The following R3HDM1 variants were observed in gnomAD, a reference collection of about 807,000 sequenced individuals.
R3HDM1 encodes R3H domain-containing protein 1.
Under a neutral mutation model 141.1 loss-of-function variants are expected in R3HDM1, and 46 were observed. That is an observed-to-expected ratio of 0.33 (90% CI 0.26 to 0.42). The LOEUF (loss-of-function observed/expected upper bound fraction) is 0.42. R3HDM1 is among the 10% of genes least tolerant of loss of function. The pLI is 1.00. For missense variants in R3HDM1, 1,184 were observed against 1,368.3 expected (o/e 0.87, Z 2.12); for synonymous variants, 435 against 472.9 (o/e 0.92, Z 1.04).
At chr2:135,645,147 T>A (rs1368233778) in intron 15 of R3HDM1, 1 of 334,662 alleles carries the variant, frequency 3.0e-6, no homozygotes, top group East Asian at 5.2e-5. Flanking sequence ...TACCCCATAA[T>A]AAGAAATGCA....
At chr2:135,707,128 G>A (rs1195399084) in intron 21 of R3HDM1, among the ~76,000 whole-genome samples, 1 of 152,240 alleles carries the variant, frequency 6.6e-6, no homozygotes, top group Non-Finnish European at 1.5e-5. Flanking sequence ...TGAGATTGAT[G>A]TTTCATTTTT....
intron 1 of R3HDM1, among the ~76,000 whole-genome samples, chr2:135,557,533 T>TC (rs1316346933): frequency 6.6e-6 from 1 of 152,210 alleles, no homozygotes; most frequent in Admixed American, 6.5e-5. Flanking sequence ...TTATTTCTTC[T>TC]CCACAGGTAT....
At chr2:135,641,945 A>T (rs955793400) in intron 15 of R3HDM1, among the ~76,000 whole-genome samples, 155 bp downstream of exon 15, 1 of 150,872 alleles carries the variant, frequency 6.6e-6, no homozygotes, top group Non-Finnish European at 1.5e-5. Context: ...ATGCTAGGGA[A>T]GTTTCAAAGA....
intron 1 of R3HDM1, among the ~76,000 whole-genome samples, chr2:135,566,982 A>G (rs2104979777): frequency 6.6e-6 from 1 of 152,114 alleles, no homozygotes; most frequent in Non-Finnish European, 1.5e-5. Context: ...GAAAAAAAAA[A>G]AAAAAAAAGT....
intron 21 of R3HDM1, among the ~76,000 whole-genome samples, chr2:135,681,718 C>A (rs2070342412): frequency 6.6e-6 from 1 of 152,132 alleles, no homozygotes; most frequent in Admixed American, 6.5e-5. Context: ...GGCACCTGTG[C>A]AGGCCTAGTT....
chr2:135,569,735 G>GT (rs1424897451), intron 1 of R3HDM1, among the ~76,000 whole-genome samples: 26 of 137,630 alleles, frequency 1.9e-4, no homozygotes, highest in South Asian at 1.7e-3. Flanking sequence ...TTTTGTTGTT[G>GT]TTTTTTTTGG....
chr2:135,651,449 A>G, intron 17 of R3HDM1: 2 of 975,126 alleles, frequency 2.1e-6, no homozygotes, highest in South Asian at 4.8e-5. Context: ...ATTTAAATAA[A>G]TGTCTTCATT....
At position 135,661,321 on chromosome 2, in the gene R3HDM1, T is replaced by C; in HGVS notation, c.2080T>C (p.Tyr694His). Residue 694 changes from tyrosine to histidine, a missense_variant, in exon 19 of 27, where the codon TAT (tyrosine) becomes CAT (histidine). Coordinates refer to ENST00000683871, the MANE Select transcript of R3HDM1 (RefSeq NM_001378107.1). ...PGHYHSSQPQ[Y>H]RPVPSVHYNS... ...CCACTATCACTCCAGCCAACCTCAG[T>C]ATCGCCCAGTCCCTTCTGTTCATTA... 6.2e-7 allele frequency: 1 copy of C among 1,613,922 alleles called. No individual in the cohort carries two copies. Among genetic ancestry groups the C allele is most frequent in the Non-Finnish European group, 8.5e-7 (1 of 1,179,776 alleles).
At chr2:135,691,741 C>T (rs895909809) in intron 21 of R3HDM1, among the ~76,000 whole-genome samples, 43 of 151,386 alleles carry the variant, frequency 2.8e-4, no homozygotes, top group Non-Finnish European at 4.3e-4. Flanking sequence ...TGCAATGAGT[C>T]GAGATTGTGC....
chr2:135,649,310 C>T (rs1250886786), intron 16 of R3HDM1: 1 of 152,052 alleles, frequency 6.6e-6, no homozygotes, highest in Non-Finnish European at 1.5e-5. Context: ...CGTGATCCGC[C>T]CGCCTCGGCC....
intron 2 of R3HDM1, among the ~76,000 whole-genome samples, chr2:135,603,241 C>T (rs1302420498): frequency 6.6e-6 from 1 of 152,180 alleles, no homozygotes; most frequent in African/African-American, 2.4e-5. Flanking sequence ...ACACCTGCCT[C>T]AGCCTCCTAA....
intron 1 of R3HDM1, among the ~76,000 whole-genome samples, chr2:135,538,640 T>C (rs1168882176): frequency 2.0e-5 from 3 of 152,202 alleles, no homozygotes; most frequent in African/African-American, 7.2e-5. Flanking sequence ...GGAGTTTTGC[T>C]CTCGTCACCA....
intron 18 of R3HDM1, among the ~76,000 whole-genome samples, chr2:135,654,473 C>T (rs535345812): frequency 1.6e-3 from 237 of 147,126 alleles, no homozygotes; most frequent in Admixed American, 3.1e-3. Flanking sequence ...GTTGTTGAGA[C>T]AGAGTCTCTT....
chr2:135,536,649 C>G lies in R3HDM1; in HGVS notation c.-250+5016C>G, dbSNP rs186133413. On this transcript the variant is annotated intron_variant, in intron 1 of 26. Transcript: ENST00000683871. ...TAAGCGTTTAAAATAGTGAATTTGA[C>G]TTGTCACAACATTAGTTTGATGAAA... 8 of 922,182 alleles carry G rather than the reference C, an allele frequency of 8.7e-6. No individual in the cohort carries two copies. The East Asian group carries it at 9.4e-4, about 108-fold the overall frequency. 57.1% of individuals were successfully genotyped at this position (922,182 alleles called of 1,614,324 possible).
intron 1 of R3HDM1, among the ~76,000 whole-genome samples, chr2:135,537,213 A>G (rs996393907): frequency 4.7e-5 from 7 of 150,522 alleles, no homozygotes; most frequent in Non-Finnish European, 8.9e-5. Flanking sequence ...TTGTGAAGTC[A>G]AAATTCTTTG....
intron 19 of R3HDM1, among the ~76,000 whole-genome samples, chr2:135,663,374 GT>G (rs2067016111): frequency 6.6e-6 from 1 of 152,166 alleles, no homozygotes; most frequent in Non-Finnish European, 1.5e-5. Flanking sequence ...TTGACATTGT[GT>G]TTGACTCTTA....
chr2:135,724,366 C>T lies in R3HDM1; in HGVS notation c.*74C>T, dbSNP rs923707159. On this transcript the variant is annotated 3_prime_UTR_variant, in exon 27 of 27. Coordinates refer to ENST00000683871, the MANE Select transcript of R3HDM1 (RefSeq NM_001378107.1). ...TCTTTGATTGGCTTGGTATTTGGAGCTTCTGTTAACATTATAGAGACTCCT... is the reference window on the plus strand; with the variant it reads ...TCTTTGATTGGCTTGGTATTTGGAGTTTCTGTTAACATTATAGAGACTCCT... 2 of 1,155,942 alleles carry T rather than the reference C, an allele frequency of 1.7e-6. No homozygotes were observed. The highest frequency in any genetic ancestry group is 2.4e-6 in the Non-Finnish European group (2 of 816,696). The allele number at this position is 1,155,942 out of a possible 1,614,324, so 71.6% of individuals were successfully genotyped here.
chr2:135,600,972 C>G (rs566747433), intron 1 of R3HDM1, among the ~76,000 whole-genome samples: 1 of 152,264 alleles, frequency 6.6e-6, no homozygotes, highest in South Asian at 2.1e-4. Flanking sequence ...ATTGCCTTAT[C>G]TAGTACCTTA....
chr2:135,657,466 A>T (rs1485270897), intron 18 of R3HDM1, among the ~76,000 whole-genome samples: 1 of 151,952 alleles, frequency 6.6e-6, no homozygotes, highest in Non-Finnish European at 1.5e-5. Context: ...TAAACTCAGG[A>T]TTTAGATTAC....
Sources: gnomAD v4.1 joint callset for allele counts (sites outside exome capture counted in the v4.1 genomes callset) on GRCh38, gnomAD v4.1.1 for gene constraint, MANE v1.5 for transcripts, NCBI Gene and HGNC (gene_info 2026-07-23, HGNC 2026-07-21) for gene names.